Variants in SYN3 observed in about 807,000 individuals in gnomAD.
SYN3 encodes the protein synapsin III.
SYN3 carries 35 observed loss-of-function variants against 65.8 expected under a neutral mutation model. The ratio of observed to expected loss-of-function variants is 0.53; its 90% confidence interval spans 0.41 to 0.70. The LOEUF is 0.70. SYN3 is among the 30% of genes least tolerant of loss of function. SYN3 has a pLI of 0.00. For synonymous variants in SYN3, 270 were observed against 292.9 expected, an observed-to-expected ratio of 0.92 and a Z score of 0.80; for missense variants, 680 against 749.0, an observed-to-expected ratio of 0.91 and a Z score of 1.08.
intron 6 of SYN3, among the ~76,000 whole-genome samples, chr22:32,794,188 CT>C (rs1248976664): frequency 1.3e-5 from 2 of 152,228 alleles, no homozygotes; most frequent in African/African-American, 4.8e-5. Context: ...CTGAAAGACC[CT>C]TCCTATGATG....
intron 6 of SYN3, among the ~76,000 whole-genome samples, chr22:32,686,339 T>A (rs898466747): frequency 2.3e-4 from 34 of 150,416 alleles, no homozygotes; most frequent in African/African-American, 7.1e-4. Context: ...CTGCCGACCA[T>A]CGCCATGTGG....
Position 32,802,126 on chromosome 22 carries a change from A to G in SYN3, c.711+62789T>C, listed in dbSNP as rs886057433. On this transcript the variant is annotated intron_variant, in intron 6 of 13. Transcript: ENST00000358763. The stretch of plus-strand genomic sequence containing the variant: ...GCCTTCTGCAACTCCGACATCGGTA[A>G]GCGCTCCTGGTGCCCCGCCCGAGCC... The G allele has an allele frequency of 3.1e-5, 49 of 1,580,524 alleles. No individual in the cohort carries two copies. The highest frequency in any genetic ancestry group is 4.1e-5 in the Non-Finnish European group (48 of 1,169,482).
chr22:32,831,947 C>T (rs182490360), intron 6 of SYN3, among the ~76,000 whole-genome samples: 207 of 152,278 alleles, frequency 1.4e-3, no homozygotes, highest in African/African-American at 4.8e-3. Context: ...ATGTGCCCTC[C>T]TCAGGGGCAG....
intron 7 of SYN3, among the ~76,000 whole-genome samples, chr22:32,581,856 G>A (rs1447048009): frequency 7.2e-6 from 1 of 138,856 alleles, no homozygotes; most frequent in Non-Finnish European, 1.5e-5. Context: ...GAGTGCGGTG[G>A]TGTGATGACA....
intron 7 of SYN3, among the ~76,000 whole-genome samples, chr22:32,579,324 T>C (rs1200533794): frequency 2.0e-5 from 3 of 152,226 alleles, no homozygotes; most frequent in African/African-American, 7.2e-5. Context: ...CAGAAATTTA[T>C]TGCTGACAGC....
intron 1 of SYN3, among the ~76,000 whole-genome samples, chr22:33,045,459 C>CTTTTTTTTTTTT: frequency 1.2e-5 from 1 of 84,724 alleles, no homozygotes; most frequent in Non-Finnish European, 2.4e-5. Flanking sequence ...GCTCTACTTT[C>CTTTTTTTTTTTT]TTTTTTTTTT....
chr22:33,029,422 ATCC>A (rs1278996504), intron 1 of SYN3, among the ~76,000 whole-genome samples: 1 of 151,940 alleles, frequency 6.6e-6, no homozygotes, highest in Non-Finnish European at 1.5e-5. Flanking sequence ...GCCTCAAGAA[ATCC>A]TCCCACCTCA....
In SYN3 at chr22:32,644,101, A is replaced by AAAAAGAG. The variant is rs368236821; in HGVS notation, c.712-47366_712-47365insCTCTTTT. 4.7e-3 allele frequency among the ~76,000 whole-genome samples: 338 copies of AAAAAGAG among 71,226 alleles called. 97 individuals are homozygous for AAAAAGAG. The highest frequency in any genetic ancestry group is 0.011 in the African/African-American group (200 of 18,346). 46.7% of individuals were successfully genotyped at this position (71,226 alleles called of 152,430 possible). ...AAAAAAAAAAAAAAAAAAAAAAAAA[A>AAAAAGAG]AGCGACAAGACTGACTGATGATGGG... On this transcript the variant is annotated intron_variant, in intron 6 of 13. Transcript: ENST00000358763.
intron 3 of SYN3, among the ~76,000 whole-genome samples, chr22:32,957,610 G>A (rs2051506385): frequency 6.6e-6 from 1 of 152,196 alleles, no homozygotes; most frequent in South Asian, 2.1e-4. Context: ...TTTGGAGCAA[G>A]ACACAGCTAA....
chr22:32,569,730 T>C (rs1272117348), intron 7 of SYN3, among the ~76,000 whole-genome samples: 1 of 152,258 alleles, frequency 6.6e-6, no homozygotes, highest in South Asian at 2.1e-4. Context: ...TATGTGACCT[T>C]GGGACATTTC....
intron 7 of SYN3, among the ~76,000 whole-genome samples, chr22:32,548,751 G>A (rs1385182348): frequency 2.6e-5 from 4 of 152,168 alleles, no homozygotes; most frequent in Non-Finnish European, 5.9e-5. Context: ...TACAACATGA[G>A]ACGTAATTAA....
At chr22:32,567,850 G>A (rs1452775308) in intron 7 of SYN3, among the ~76,000 whole-genome samples, 2 of 152,140 alleles carry the variant, frequency 1.3e-5, no homozygotes, top group Non-Finnish European at 2.9e-5. Flanking sequence ...CCCAGGAAGA[G>A]GAGGTTTATT....
intron 6 of SYN3, among the ~76,000 whole-genome samples, chr22:32,846,885 C>G (rs915052500): frequency 6.6e-6 from 1 of 152,146 alleles, no homozygotes; most frequent in African/African-American, 2.4e-5. Flanking sequence ...ACTGAACTAT[C>G]CTCAGATGAA....
chr22:32,854,775 G>C lies in SYN3; in HGVS notation c.711+10140C>G, dbSNP rs151161846. ...TCTTCCAGCACTTGGCTGCGTTACCGTGCTCAGTTGGCAAGCCTTGGGGGA... is the reference window on the plus strand; with the variant it reads ...TCTTCCAGCACTTGGCTGCGTTACCCTGCTCAGTTGGCAAGCCTTGGGGGA... On this transcript the variant is annotated intron_variant, in intron 6 of 13. Coordinates refer to ENST00000358763, the MANE Select transcript of SYN3 (RefSeq NM_003490.4). Among the ~76,000 whole-genome samples the C allele has an allele frequency of 1.1e-3, 164 of 152,270 alleles. 1 individual carries two copies. The highest frequency in any genetic ancestry group is 2.3e-3 in the South Asian group (11 of 4,824).
rs192135435 is a variant in SYN3, at chr22:33,015,360, G to C, written c.-162-8536C>G. ...TCCAGAGAAGATCAAAGAACTTACT[G>C]TACAGGGCGAATTTGTAATGAAAGA... On this transcript the variant is annotated intron_variant, in intron 1 of 13. Transcript: ENST00000358763. The C allele has an allele frequency of 1.3e-5, 7 of 542,238 alleles. No individual in the cohort carries two copies. The East Asian group carries it at 3.9e-4, about 30-fold the overall frequency. The allele number at this position is 542,238 out of a possible 1,614,324, so 33.6% of individuals were successfully genotyped here.
chr22:32,850,353 C>G (rs1197813910), intron 6 of SYN3, among the ~76,000 whole-genome samples: 1 of 151,984 alleles, frequency 6.6e-6, no homozygotes, highest in Non-Finnish European at 1.5e-5. Flanking sequence ...CTCCTAACAT[C>G]CTCTCTAGCT....
In SYN3 at chr22:32,509,661, C is replaced by T. The variant is rs529144858; in HGVS notation, c.*4031G>A. ...TCGGCTCACTGCAAGCTCCGCCTCCCGGGTTCACGCCATTCTCCTGCCTCA... is the reference window on the plus strand; with the variant it reads ...TCGGCTCACTGCAAGCTCCGCCTCCTGGGTTCACGCCATTCTCCTGCCTCA... On this transcript the variant is annotated 3_prime_UTR_variant, in exon 14 of 14. Transcript: ENST00000358763. 1.1e-4 allele frequency among the ~76,000 whole-genome samples: 17 copies of T among 152,100 alleles called. 1 individual carries two copies. Among genetic ancestry groups the T allele is most frequent in the Middle Eastern group, 6.8e-3 (2 of 294 alleles).
intron 6 of SYN3, among the ~76,000 whole-genome samples, chr22:32,838,309 C>T (rs1282175762): frequency 6.6e-6 from 1 of 152,146 alleles, no homozygotes; most frequent in Non-Finnish European, 1.5e-5. Context: ...GAGAGGGACA[C>T]AGGACCTGGA....
Position 32,511,909 on chromosome 22 carries a change from G to C in SYN3, c.*1783C>G, listed in dbSNP as rs143263811. Among the ~76,000 whole-genome samples the C allele has an allele frequency of 4.6e-5, 7 of 152,328 alleles. No individual in the cohort carries two copies. Among genetic ancestry groups the C allele is most frequent in the African/African-American group, 1.7e-4 (7 of 41,562 alleles). Reference sequence around the variant, plus strand: ...CTTAAATCCAGACCTGATCATGAGTGAGGGAAGAGGGCAATGTGAAGAGGA... The same window carrying C: ...CTTAAATCCAGACCTGATCATGAGTCAGGGAAGAGGGCAATGTGAAGAGGA... On this transcript the variant is annotated 3_prime_UTR_variant, in exon 14 of 14. Coordinates refer to ENST00000358763, the MANE Select transcript of SYN3 (RefSeq NM_003490.4).
Sources: allele counts gnomAD v4.1 joint callset (sites outside exome capture counted in the v4.1 genomes callset), GRCh38; gene constraint gnomAD v4.1.1; transcripts MANE v1.5; gene names NCBI Gene and HGNC (gene_info 2026-07-23, HGNC 2026-07-21).